The following TUBB3 variants were observed in gnomAD, a reference collection of about 807,000 sequenced individuals.
The protein encoded by TUBB3 is tubulin beta 3 class III, also known as tubulin beta-3 chain.
A neutral mutation model predicts 37.8 loss-of-function variants in TUBB3; 17 were observed. The observed-to-expected ratio is 0.45, with a 90% CI of 0.31 to 0.67. The LOEUF is 0.67. Among genes scored for constraint, TUBB3 ranks in the 30% least tolerant of loss-of-function variants. TUBB3 has a pLI of 0.07. For synonymous variants in TUBB3, 332 were observed against 278.9 expected, an observed-to-expected ratio of 1.19 and a Z score of -1.90; for missense variants, 262 against 657.9, an observed-to-expected ratio of 0.40 and a Z score of 6.58.
intron 2 of TUBB3, chr16:89,932,894 CAT>C: frequency 3.3e-6 from 2 of 605,744 alleles, no homozygotes; most frequent in Non-Finnish European, 6.0e-6. Flanking sequence ...GAGAGCCAAA[CAT>C]ATTAGTGCCA....
At position 89,933,517 on chromosome 16, in the gene TUBB3, C is replaced by T; in HGVS notation, c.216C>T (p.Thr72=). Residue 72 remains threonine (T), a synonymous_variant, in exon 3 of 4, where the codon ACC becomes ACT. Coordinates refer to ENST00000315491, the MANE Select transcript of TUBB3 (RefSeq NM_006086.4). ...RAILVDLEPG[T]MDSVRSGAFG... ...TTCTGGTGGACCTGGAACCCGGAAC[C>T]ATGGACAGTGTCCGCTCAGGGGCCT... The T allele has an allele frequency of 2.5e-6, 4 of 1,614,192 alleles. No homozygotes were observed. Among genetic ancestry groups the T allele is most frequent in the Non-Finnish European group, 3.4e-6 (4 of 1,180,040 alleles).
intron 1 of TUBB3, among the ~76,000 whole-genome samples, chr16:89,929,918 C>G (rs1388448677): frequency 2.6e-5 from 4 of 151,698 alleles, no homozygotes; most frequent in Non-Finnish European, 5.9e-5. Flanking sequence ...CCAGGCTGGT[C>G]TTGAACTCCT....
At chr16:89,922,136 C>T (rs950832430), upstream of TUBB3, 1 of 152,546 alleles carries the variant, frequency 6.6e-6, no homozygotes, top group African/African-American at 2.4e-5. Flanking sequence ...AGATCCATTT[C>T]TCGACTTTCC....
chr16:89,932,608 C>A lies in TUBB3; in HGVS notation c.95C>A (p.Pro32His). Reference protein sequence around the residue: ...EVISDEHGIDPSGNYVGDSDL... With the variant: ...EVISDEHGIDHSGNYVGDSDL... ...ATCAGTGATGAGCATGGCATCGACC[C>A]CAGCGGCAACTACGTGGGCGACTCG... The change falls in exon 2 of 4, where the codon CCC becomes CAC. Residue 32 changes from proline to histidine, a missense_variant. By Grantham distance (77) the Pro-to-His change is moderately conservative. This residue lies in a region of TUBB3 where 58 missense variants were observed against 74.2 expected (regional missense o/e 0.78). Transcript: ENST00000315491. 1 of 1,614,136 alleles carries A rather than the reference C, an allele frequency of 6.2e-7. No individual in the cohort carries two copies. Among genetic ancestry groups the A allele is most frequent in the Non-Finnish European group, 8.5e-7 (1 of 1,180,040 alleles).
At chr16:89,933,757 G>A (rs1324876884) in intron 3 of TUBB3, 179 bp downstream of exon 3, 1 of 711,644 alleles carries the variant, frequency 1.4e-6, no homozygotes, top group African/African-American at 1.7e-5. Flanking sequence ...AGGGTTCTGT[G>A]GGGAGAACAG....
At chr16:89,924,101 C>T (rs920420043) in intron 1 of TUBB3, among the ~76,000 whole-genome samples, 2 of 152,252 alleles carry the variant, frequency 1.3e-5, no homozygotes, top group African/African-American at 2.4e-5. Context: ...TTGACCGCGC[C>T]CACCCAGGGT....
At chr16:89,925,780 C>T (rs1027689161) in intron 1 of TUBB3, among the ~76,000 whole-genome samples, 1 of 152,228 alleles carries the variant, frequency 6.6e-6, no homozygotes, top group Admixed American at 6.5e-5. Flanking sequence ...CGGCTGCTTC[C>T]CTGTCTGGGG....
intron 1 of TUBB3, among the ~76,000 whole-genome samples, chr16:89,926,501 G>A (rs2030091133): frequency 6.6e-6 from 1 of 152,238 alleles, no homozygotes. Context: ...AGCGCTGCGC[G>A]AGGTCAGCAC....
At chr16:89,925,307 C>T (rs1187756902) in intron 1 of TUBB3, among the ~76,000 whole-genome samples, 2 of 151,974 alleles carry the variant, frequency 1.3e-5, no homozygotes, top group East Asian at 1.9e-4. Flanking sequence ...TAATACCTGG[C>T]CGGGCACGGT....
Position 89,934,649 on chromosome 16 carries a change from T to C in TUBB3, c.278-80T>C. On this transcript the variant is annotated intron_variant, in intron 3 of 3. Coordinates refer to ENST00000315491, the MANE Select transcript of TUBB3 (RefSeq NM_006086.4). ...GGCATGGGGCTGCCACGGCTGCCCTTGGGATGTTCAGGCAGGGGCTGGAGG... is the reference window on the plus strand; with the variant it reads ...GGCATGGGGCTGCCACGGCTGCCCTCGGGATGTTCAGGCAGGGGCTGGAGG... 9 of 1,414,802 alleles carry C rather than the reference T, an allele frequency of 6.4e-6. No individual in the cohort carries two copies. In the East Asian group the frequency reaches 2.1e-4, roughly 33 times the overall value. 87.6% of individuals were successfully genotyped at this position (1,414,802 alleles called of 1,614,324 possible).
Position 89,934,878 on chromosome 16 carries a change from A to C in TUBB3, c.427A>C (p.Thr143Pro), listed in dbSNP as rs4539594. Residue 143 changes from threonine to proline, a missense_variant, in exon 4 of 4, where the codon ACG becomes CCG. This residue lies in a region of TUBB3 where 165 missense variants were observed against 556.8 expected (regional missense o/e 0.30). Transcript: ENST00000315491. ...GCTGACCCACTCGCTGGGGGGCGGC[A>C]CGGGCTCCGGCATGGGCACGTTGCT... ...FQLTHSLGGG[T>P]GSGMGTLLIS... 1 of 1,614,126 alleles carries C rather than the reference A, an allele frequency of 6.2e-7. No homozygotes were observed. The highest frequency in any genetic ancestry group is 8.5e-7 in the Non-Finnish European group (1 of 1,180,016).
intron 2 of TUBB3, 77 bp downstream of exon 2, chr16:89,932,756 A>G: frequency 8.7e-7 from 1 of 1,151,650 alleles, no homozygotes; most frequent in Non-Finnish European, 1.3e-6. Context: ...AGGTCTCAGC[A>G]CCTGGACTCA....
chr16:89,926,173 C>T (rs2030071491), intron 1 of TUBB3, among the ~76,000 whole-genome samples: 1 of 152,208 alleles, frequency 6.6e-6, no homozygotes. Flanking sequence ...GCTCCTCCCT[C>T]CCCGGGGCGG....
At chr16:89,930,232 G>A (rs2030235174) in intron 1 of TUBB3, among the ~76,000 whole-genome samples, 1 of 151,270 alleles carries the variant, frequency 6.6e-6, no homozygotes, top group Non-Finnish European at 1.5e-5. Flanking sequence ...AGCCTCTCGA[G>A]TAGCTGGGAG....
Position 89,933,458 on chromosome 16 carries a change from C to T in TUBB3, c.167-10C>T. The T allele has an allele frequency of 6.2e-7, 1 of 1,610,296 alleles. No homozygotes were observed. The highest frequency in any genetic ancestry group is 8.5e-7 in the Non-Finnish European group (1 of 1,176,530). On this transcript the variant is annotated splice_polypyrimidine_tract_variant and intron_variant, in intron 2 of 3. Coordinates refer to ENST00000315491, the MANE Select transcript of TUBB3 (RefSeq NM_006086.4). ...GTGACCCGAATCACCGAGCCCCTCT[C>T]TCCCCTCAGCTCACAAGTACGTGCC...
At position 89,933,453 on chromosome 16, in the gene TUBB3, C is replaced by A. The variant is rs769818894; in HGVS notation, c.167-15C>A. 1 of 1,605,112 alleles carries A rather than the reference C, an allele frequency of 6.2e-7. No homozygotes were observed. The highest frequency in any genetic ancestry group is 1.3e-5 in the African/African-American group (1 of 74,870). ...CCTCTGTGACCCGAATCACCGAGCC[C>A]CTCTCTCCCCTCAGCTCACAAGTAC... On this transcript the variant is annotated splice_polypyrimidine_tract_variant and intron_variant, in intron 2 of 3. Coordinates refer to ENST00000315491, the MANE Select transcript of TUBB3 (RefSeq NM_006086.4).
At chr16:89,929,650 C>G (rs2030210255) in intron 1 of TUBB3, among the ~76,000 whole-genome samples, 1 of 152,224 alleles carries the variant, frequency 6.6e-6, no homozygotes, top group South Asian at 2.1e-4. Context: ...GCACAGCCTT[C>G]CACACATCTA....
At chr16:89,927,870 C>G (rs957843811) in intron 1 of TUBB3, among the ~76,000 whole-genome samples, 2 of 152,218 alleles carry the variant, frequency 1.3e-5, no homozygotes, top group Non-Finnish European at 2.9e-5. Flanking sequence ...ACTCTCTCCA[C>G]CCCTCCTTTA....
rs757192357 is a variant in TUBB3, at chr16:89,935,657, C to T, written c.1206C>T (p.Gly402=). 1.9e-6 allele frequency: 3 copies of T among 1,613,790 alleles called. No homozygotes were observed. In the Admixed American group the frequency reaches 5.0e-5, roughly 27 times the overall value. ...TCCTGCACTGGTACACGGGCGAGGG[C>T]ATGGACGAGATGGAGTTCACCGAGG... The part of the protein sequence containing the change: ...KAFLHWYTGE[G]MDEMEFTEAE... Residue 402 remains glycine (G), a synonymous_variant, in exon 4 of 4, where the codon GGC becomes GGT. Transcript: ENST00000315491.
Sources: gnomAD v4.1 joint callset for allele counts (sites outside exome capture counted in the v4.1 genomes callset) on GRCh38, gnomAD v4.1.1 for gene constraint, gnomAD v4.1.1 regional missense constraint, MANE v1.5 for transcripts, NCBI Gene and HGNC (gene_info 2026-07-23, HGNC 2026-07-21) for gene names.